DCP1A: variants seen among roughly 807,000 people sequenced by gnomAD.
DCP1A encodes the protein decapping mRNA 1A.
In DCP1A, 20 loss-of-function variants were observed where a neutral mutation model predicts 58.0. The observed-to-expected ratio is 0.34, with a 90% CI of 0.24 to 0.50. The LOEUF is 0.50. DCP1A is among the 20% of genes least tolerant of loss of function. The pLI is 0.98. For synonymous variants in DCP1A, 285 were observed against 275.1 expected (o/e 1.04, Z -0.36); for missense variants, 613 against 712.2 (o/e 0.86, Z 1.59).
intron 7 of DCP1A, among the ~76,000 whole-genome samples, chr3:53,291,540 A>G (rs1706875627): frequency 6.6e-6 from 1 of 151,906 alleles, no homozygotes; most frequent in Non-Finnish European, 1.5e-5. Flanking sequence ...GAGTTCAAAT[A>G]AAGTAAGAAC....
At chr3:53,312,462 G>T in intron 4 of DCP1A, 83 bp from the exon 5 acceptor site, 3 of 1,214,208 alleles carry the variant, frequency 2.5e-6, no homozygotes, top group South Asian at 1.6e-5. Context: ...ATCTTCCAAG[G>T]ATACACTAAG....
chr3:53,315,910 T>C (rs534422987), intron 4 of DCP1A, among the ~76,000 whole-genome samples: 1 of 152,100 alleles, frequency 6.6e-6, no homozygotes, highest in African/African-American at 2.4e-5. Context: ...CCCGCCACCA[T>C]GCCCCGCTAA....
chr3:53,305,960 T>TG (rs1307356802), intron 5 of DCP1A, among the ~76,000 whole-genome samples: 1 of 152,202 alleles, frequency 6.6e-6, no homozygotes, highest in Admixed American at 6.5e-5. Context: ...TATGAATTCT[T>TG]GAATATTTGT....
intron 4 of DCP1A, among the ~76,000 whole-genome samples, chr3:53,313,069 A>T (rs1486140462): frequency 2.0e-5 from 3 of 152,188 alleles, no homozygotes; most frequent in Non-Finnish European, 4.4e-5. Flanking sequence ...TGCATAGTTG[A>T]ACAAATCCTC....
At chr3:53,315,007 A>T (rs62256965) in intron 4 of DCP1A, among the ~76,000 whole-genome samples, 1 of 151,982 alleles carries the variant, frequency 6.6e-6, no homozygotes, top group African/African-American at 2.4e-5. Flanking sequence ...CCACTGCTGA[A>T]AGCAGAAGCT....
intron 3 of DCP1A, among the ~76,000 whole-genome samples, chr3:53,334,359 C>T (rs1343674736): frequency 2.6e-5 from 4 of 152,154 alleles, no homozygotes; most frequent in Non-Finnish European, 5.9e-5. Flanking sequence ...TTTTAACTGG[C>T]AAGTTTAGTT....
At chr3:53,342,816 G>A (rs1012281865) in intron 2 of DCP1A, among the ~76,000 whole-genome samples, 2 of 152,086 alleles carry the variant, frequency 1.3e-5, no homozygotes, top group Admixed American at 6.6e-5. Flanking sequence ...CCCCCACTAG[G>A]ATGTAAGCCC....
chr3:53,322,957 G>A (rs557047154), intron 3 of DCP1A, among the ~76,000 whole-genome samples: 5 of 151,620 alleles, frequency 3.3e-5, no homozygotes, highest in East Asian at 1.9e-4. Flanking sequence ...ACAGGCGCCC[G>A]GGGATTACAG....
At chr3:53,294,159 C>A (rs1243083314) in intron 6 of DCP1A, among the ~76,000 whole-genome samples, 5 of 152,204 alleles carry the variant, frequency 3.3e-5, no homozygotes, top group African/African-American at 1.2e-4. Flanking sequence ...AGGATCTGGA[C>A]TTTATCCACA....
chr3:53,338,244 G>A, intron 3 of DCP1A: 2 of 350,470 alleles, frequency 5.7e-6, no homozygotes, highest in Non-Finnish European at 1.2e-5. Context: ...AATCCCACTG[G>A]GGTCTTGTGA....
At chr3:53,305,224 T>G (rs960458584) in intron 5 of DCP1A, among the ~76,000 whole-genome samples, 3 of 152,258 alleles carry the variant, frequency 2.0e-5, no homozygotes, top group African/African-American at 7.2e-5. Context: ...AGTATTACAT[T>G]ATATAAATAC....
chr3:53,312,383 G>C lies in DCP1A; in HGVS notation c.372-4C>G, dbSNP rs1707673658. On this transcript the variant is annotated splice_region_variant and splice_polypyrimidine_tract_variant and intron_variant, in intron 4 of 9. Transcript: ENST00000610213. ...CCGTGTCTCCTCTTCTACCACACTA[G>C]AGGAGAAGAACAAGGTTTTAGAAAG... 2 of 1,579,352 alleles carry C rather than the reference G, an allele frequency of 1.3e-6. No individual in the cohort carries two copies. The highest frequency in any genetic ancestry group is 2.3e-5 in the East Asian group (1 of 44,378).
In DCP1A at chr3:53,343,148, T is replaced by C. The variant is rs1278487646; in HGVS notation, c.177-877A>G. Among the ~76,000 whole-genome samples, 6 of 152,206 alleles carry C rather than the reference T, an allele frequency of 3.9e-5. No individual in the cohort carries two copies. The East Asian group carries it at 9.6e-4, about 24-fold the overall frequency. ...TACCCGGGGTGTTAACAGAACACTA[T>C]TCTATAGATTAGGAGACAAGCTTTG... On this transcript the variant is annotated intron_variant, in intron 2 of 9. Transcript: ENST00000610213.
chr3:53,301,254 A>C (rs1335982183), intron 6 of DCP1A, among the ~76,000 whole-genome samples: 4 of 151,956 alleles, frequency 2.6e-5, no homozygotes, highest in African/African-American at 9.7e-5. Context: ...CAGACTTCCT[A>C]GAAAACAGTT....
chr3:53,323,126 G>A (rs1336599859), intron 3 of DCP1A, among the ~76,000 whole-genome samples: 1 of 152,152 alleles, frequency 6.6e-6, no homozygotes, highest in Non-Finnish European at 1.5e-5. Context: ...GCCCGGCCGA[G>A]TTTCCCATGT....
chr3:53,316,256 TAACA>T (rs1323465221), intron 4 of DCP1A, among the ~76,000 whole-genome samples: 2 of 150,900 alleles, frequency 1.3e-5, no homozygotes, highest in East Asian at 1.9e-4. Flanking sequence ...CAACAAAAAG[TAACA>T]AACAGGTTTA....
At chr3:53,320,054 G>A (rs1292004733) in intron 3 of DCP1A, among the ~76,000 whole-genome samples, 1 of 151,932 alleles carries the variant, frequency 6.6e-6, no homozygotes, top group Non-Finnish European at 1.5e-5. Context: ...CTTGGGCCCG[G>A]GAGGCAGTGG....
In DCP1A at chr3:53,347,406, A is replaced by G. The variant is rs782661133; in HGVS notation, c.112T>C (p.Phe38Leu). The G allele has an allele frequency of 1.2e-6, 2 of 1,610,608 alleles. No homozygotes were observed. The highest frequency in any genetic ancestry group is 1.7e-6 in the Non-Finnish European group (2 of 1,178,310). The change falls in exon 1 of 10, where the codon TTC becomes CTC. Residue 38 changes from phenylalanine (F) to leucine (L), a missense_variant. By Grantham distance (22) the Phe-to-Leu change is conservative. Around this residue, in one of 3 missense-constraint regions of DCP1A, gnomAD observed 65 missense variants for 118.5 expected, o/e 0.55. Transcript: ENST00000610213. ...ACCCACTGGTTGGCCTTGGGGCAGA[A>G]GGTGTACAGAGCGACCTGGCCCGTG... is the stretch of plus-strand genomic sequence containing the variant. ...DLTGQVALYT[F>L]CPKANQWEKT...
chr3:53,326,700 C>T (rs934152735), intron 3 of DCP1A, among the ~76,000 whole-genome samples: 1 of 152,218 alleles, frequency 6.6e-6, no homozygotes. Flanking sequence ...TCTTCCATCA[C>T]CTCCAGATGG....
Sources: allele counts gnomAD v4.1 joint callset (sites outside exome capture counted in the v4.1 genomes callset), GRCh38; gene constraint gnomAD v4.1.1; regional missense constraint gnomAD v4.1.1; transcripts MANE v1.5; gene names NCBI Gene and HGNC (gene_info 2026-07-23, HGNC 2026-07-21).